Variants in LDB2 observed in about 807,000 individuals in gnomAD.
The protein encoded by LDB2 is LIM domain-binding protein 2.
A neutral mutation model predicts 44.3 loss-of-function variants in LDB2; 12 were observed. The ratio of observed to expected loss-of-function variants is 0.27; its 90% CI spans 0.17 to 0.44. The LOEUF is 0.44. Among genes scored for constraint, LDB2 ranks in the 20% least tolerant of loss-of-function variants. LDB2 has a pLI of 1.00. For missense variants in LDB2, 344 were observed against 473.5 expected (o/e 0.73, Z 2.54); for synonymous variants, 164 against 174.8 (o/e 0.94, Z 0.49).
rs1208116109 is a variant in LDB2, at chr4:16,533,715, A to G, written c.616-21611T>C. Among the ~76,000 whole-genome samples the G allele has an allele frequency of 1.3e-5, 2 of 152,344 alleles. No individual in the cohort carries two copies. The highest frequency in any genetic ancestry group is 1.9e-4 in the East Asian group (1 of 5,182). Reference sequence around the variant, plus strand: ...CTGAACAAATGGTTGCTTATGTAAAAGACCTGCCCTCCAGTAAAATTCCAT... The same window carrying G: ...CTGAACAAATGGTTGCTTATGTAAAGGACCTGCCCTCCAGTAAAATTCCAT... On this transcript the variant is annotated intron_variant, in intron 5 of 7. Transcript: ENST00000304523. This position sits in a 1 kb window ranked among gnomAD's most constrained non-coding sequence, Gnocchi z 4.1.
rs571225122 is a variant in LDB2 at position 16,629,350 on chromosome 4, T to C, written c.236-33475A>G. 7.9e-5 allele frequency among the ~76,000 whole-genome samples: 12 copies of C among 152,302 alleles called. No homozygotes were observed. The South Asian group carries it at 2.5e-3, about 32-fold the overall frequency. Reference sequence around the variant, plus strand: ...GTGGGTCCCTGACCCCCGTGTAGCCTAATTGGGAGACACCTCCCAGTAGGG... The same window carrying C: ...GTGGGTCCCTGACCCCCGTGTAGCCCAATTGGGAGACACCTCCCAGTAGGG... On this transcript the variant is annotated intron_variant, in intron 2 of 7. Transcript: ENST00000304523.
intron 5 of LDB2, among the ~76,000 whole-genome samples, chr4:16,575,237 T>C (rs945511710): frequency 6.6e-6 from 1 of 152,164 alleles, no homozygotes; most frequent in Non-Finnish European, 1.5e-5. Context: ...CGTAACCTGA[T>C]TGCATTTGTG....
intron 2 of LDB2, among the ~76,000 whole-genome samples, chr4:16,607,961 G>A (rs1724409737): frequency 6.6e-6 from 1 of 152,006 alleles, no homozygotes; most frequent in African/African-American, 2.4e-5. Context: ...CACAAAAAAG[G>A]GGAAATAAGG....
chr4:16,577,649 A>G (rs1301741274), intron 5 of LDB2, among the ~76,000 whole-genome samples: 1 of 152,172 alleles, frequency 6.6e-6, no homozygotes, highest in African/African-American at 2.4e-5. Context: ...TACTACCCAA[A>G]GCAATCTATA....
intron 2 of LDB2, among the ~76,000 whole-genome samples, chr4:16,642,047 T>A (rs1321762388): frequency 6.6e-6 from 1 of 151,834 alleles, no homozygotes; most frequent in Non-Finnish European, 1.5e-5. Context: ...CAGAAAAAAA[T>A]TAAGAACTGG....
chr4:16,570,855 G>A (rs1259434432), intron 5 of LDB2, among the ~76,000 whole-genome samples: 1 of 152,066 alleles, frequency 6.6e-6, no homozygotes, highest in Non-Finnish European at 1.5e-5. Context: ...ACACTTTTCT[G>A]GTACTATTTT....
intron 3 of LDB2, among the ~76,000 whole-genome samples, chr4:16,593,876 G>C (rs911789482): frequency 1.3e-5 from 2 of 152,218 alleles, no homozygotes; most frequent in Non-Finnish European, 2.9e-5. Flanking sequence ...TTCATCTGAA[G>C]AATGGGATTC....
At chr4:16,666,369 C>T (rs921118818) in intron 2 of LDB2, among the ~76,000 whole-genome samples, 1 of 152,134 alleles carries the variant, frequency 6.6e-6, no homozygotes, top group Non-Finnish European at 1.5e-5. Context: ...AAAAAGGCTA[C>T]GCTGAGAAGA....
chr4:16,686,143 C>T (rs531055055), intron 2 of LDB2, among the ~76,000 whole-genome samples: 195 of 152,252 alleles, frequency 1.3e-3, no homozygotes, highest in African/African-American at 4.4e-3. Flanking sequence ...GAGAGCCACT[C>T]GAAGCAGAGA....
chr4:16,644,387 C>T (rs551843041), intron 2 of LDB2, among the ~76,000 whole-genome samples: 1 of 151,958 alleles, frequency 6.6e-6, no homozygotes, highest in African/African-American at 2.4e-5. Flanking sequence ...TTTTCATGAC[C>T]AACTTAATCA....
At chr4:16,515,668 T>C (rs1224648395) in intron 5 of LDB2, among the ~76,000 whole-genome samples, 1 of 151,680 alleles carries the variant, frequency 6.6e-6, no homozygotes, top group Non-Finnish European at 1.5e-5. Context: ...TTTTAGAGTA[T>C]TTTTTTTAGT....
chr4:16,859,936 T>C (rs749139611), intron 1 of LDB2, among the ~76,000 whole-genome samples: 2 of 152,136 alleles, frequency 1.3e-5, no homozygotes, highest in Non-Finnish European at 2.9e-5. Context: ...TCTTCTCCAA[T>C]TTAGAGACAA....
At chr4:16,627,151 G>C (rs1730497822) in intron 2 of LDB2, among the ~76,000 whole-genome samples, 1 of 152,130 alleles carries the variant, frequency 6.6e-6, no homozygotes, top group Non-Finnish European at 1.5e-5. Flanking sequence ...GTCACACTGG[G>C]AGGTCAGTGA....
chr4:16,746,806 A>T (rs78961854), intron 2 of LDB2, among the ~76,000 whole-genome samples: 48 of 152,272 alleles, frequency 3.2e-4, no homozygotes, highest in African/African-American at 6.7e-4. Context: ...ATAACTAATT[A>T]AAAAAATGGG....
chr4:16,723,841 A>G (rs151080021), intron 2 of LDB2, among the ~76,000 whole-genome samples: 346 of 152,202 alleles, frequency 2.3e-3, no homozygotes, highest in African/African-American at 7.7e-3. Context: ...ACTGACCTAC[A>G]GTAAGAATCA....
rs1717644067 is a variant in LDB2, at chr4:16,502,038, C to G, written c.*605G>C. The G allele has an allele frequency of 6.6e-6, 1 of 152,594 alleles. No homozygotes were observed. The highest frequency in any genetic ancestry group is 1.5e-5 in the Non-Finnish European group (1 of 68,170). 9.5% of individuals were successfully genotyped at this position (152,594 alleles called of 1,614,324 possible). A position where few individuals can be genotyped will look rare whatever the true frequency, so the allele number is the denominator to read the frequency against. ...AAATTGAGTCGACTCAAGACAAGAA[C>G]CAATTGACATCAGCTCAACCATAAA... On this transcript the variant is annotated 3_prime_UTR_variant, in exon 8 of 8. Coordinates refer to ENST00000304523, the MANE Select transcript of LDB2 (RefSeq NM_001290.5).
chr4:16,793,027 G>A (rs556158774), intron 1 of LDB2, among the ~76,000 whole-genome samples: 106 of 152,264 alleles, frequency 7.0e-4, no homozygotes, highest in African/African-American at 2.3e-3. Context: ...CTTGGTTGGA[G>A]TATATTGTAC....
At chr4:16,564,019 G>C (rs2152385786) in intron 5 of LDB2, among the ~76,000 whole-genome samples, 1 of 152,214 alleles carries the variant, frequency 6.6e-6, no homozygotes, top group East Asian at 1.9e-4. Context: ...ACCCTTGCAG[G>C]GTTACAGCTG....
chr4:16,661,084 A>C (rs1390062798), intron 2 of LDB2, among the ~76,000 whole-genome samples: 1 of 152,164 alleles, frequency 6.6e-6, no homozygotes, highest in Non-Finnish European at 1.5e-5. Context: ...ATACCACAGA[A>C]ATAATTACTT....
Sources: gnomAD v4.1 joint callset for allele counts (sites outside exome capture counted in the v4.1 genomes callset) on GRCh38, gnomAD v4.1.1 for gene constraint, Gnocchi (gnomAD v3.1) non-coding constraint, MANE v1.5 for transcripts, NCBI Gene and HGNC (gene_info 2026-07-23, HGNC 2026-07-21) for gene names.